Variants in PITPNM2 observed in about 807,000 individuals in gnomAD.
PITPNM2 encodes the protein phosphatidylinositol transfer protein membrane associated 2.
Under a neutral mutation model 132.2 loss-of-function variants are expected in PITPNM2, and 35 were observed. The ratio of observed to expected loss-of-function variants is 0.26; its 90% CI spans 0.20 to 0.35. PITPNM2 has a LOEUF of 0.35. Among genes scored for constraint, PITPNM2 ranks in the 10% least tolerant of loss-of-function variants. The pLI is 1.00. For missense variants in PITPNM2, 1,332 were observed against 1,912.0 expected (o/e 0.70, Z 5.66); for synonymous variants, 738 against 799.2 (o/e 0.92, Z 1.29).
chr12:123,107,417 A>C (rs1228384120), intron 2 of PITPNM2, among the ~76,000 whole-genome samples: 1 of 152,206 alleles, frequency 6.6e-6, no homozygotes, highest in African/African-American at 2.4e-5. Flanking sequence ...ACTGTGAAAG[A>C]CAGCCAGGCA....
intron 3 of PITPNM2, among the ~76,000 whole-genome samples, chr12:123,024,747 T>A (rs2039792906): frequency 6.6e-6 from 1 of 152,124 alleles, no homozygotes. Context: ...GAAAGCACAT[T>A]ATTGGTTGCC....
intron 2 of PITPNM2, among the ~76,000 whole-genome samples, chr12:123,094,465 C>A (rs571706978): frequency 6.6e-6 from 1 of 152,232 alleles, no homozygotes; most frequent in South Asian, 2.1e-4. Context: ...TGTCCTCCGG[C>A]GCATCAGGCT....
chr12:123,016,219 G>T (rs1402585992), intron 3 of PITPNM2, among the ~76,000 whole-genome samples: 1 of 151,968 alleles, frequency 6.6e-6, no homozygotes, highest in South Asian at 2.1e-4. Flanking sequence ...CCAGCTACTC[G>T]GGAGGCTGAG....
chr12:123,072,256 T>C (rs1233085018), intron 2 of PITPNM2, among the ~76,000 whole-genome samples: 2 of 152,202 alleles, frequency 1.3e-5, no homozygotes, highest in African/African-American at 4.8e-5. Flanking sequence ...ACCAGGAAAC[T>C]GAGGCTCCGA....
At chr12:123,018,782 CT>C (rs57520928) in intron 3 of PITPNM2, among the ~76,000 whole-genome samples, 332 of 121,440 alleles carry the variant, frequency 2.7e-3, no homozygotes, top group Non-Finnish European at 3.3e-3. Flanking sequence ...CTTTCCTTTC[CT>C]TTTTTTTTTT....
rs910751492 is a variant in PITPNM2, at chr12:123,021,029, CAAAAAAAAA to C, written c.79-6996_79-6988del. Among the ~76,000 whole-genome samples, 15 of 25,310 alleles carry C rather than the reference CAAAAAAAAA, an allele frequency of 5.9e-4. No homozygotes were observed. The East Asian group carries it at 0.01, about 17-fold the overall frequency. 16.6% of individuals were successfully genotyped at this position (25,310 alleles called of 152,430 possible). A position where few individuals can be genotyped will look rare whatever the true frequency, so the allele number is the denominator to read the frequency against. ...AGGCGACAAGAGCGAAATTCCATCT[CAAAAAAAAA>C]AAAAAAAAAAAAAAAAAGAAAGTGA... On this transcript the variant is annotated intron_variant, in intron 3 of 25. Transcript: ENST00000320201.
rs112527061 is a variant in PITPNM2, at chr12:123,080,742, C to T, written c.-96+29643G>A. ...CCGGTGCCAGGACCACTGGCACTCA[C>T]TGACTACGTGACTAGCCAGTCATCA... On this transcript the variant is annotated intron_variant, in intron 2 of 25. Coordinates refer to ENST00000320201, the MANE Select transcript of PITPNM2 (RefSeq NM_020845.3). 5.2e-3 allele frequency among the ~76,000 whole-genome samples: 785 copies of T among 152,370 alleles called. 9 individuals are homozygous for T. Among genetic ancestry groups the T allele is most frequent in the African/African-American group, 0.018 (730 of 41,594 alleles).
In PITPNM2 at chr12:123,097,875, C is replaced by A. The variant is rs180715783; in HGVS notation, c.-96+12510G>T. Among the ~76,000 whole-genome samples, 1 of 152,224 alleles carries A rather than the reference C, an allele frequency of 6.6e-6. No homozygotes were observed. The highest frequency in any genetic ancestry group is 1.5e-5 in the Non-Finnish European group (1 of 68,040). ...GAACAGCTGGACAGAGCTCGGAAAG[C>A]GGCTGCAGCCAGATGGGAACAACAT... On this transcript the variant is annotated intron_variant, in intron 2 of 25. Coordinates refer to ENST00000320201, the MANE Select transcript of PITPNM2 (RefSeq NM_020845.3). The surrounding 1 kb of genome is among the most constrained non-coding windows in gnomAD (Gnocchi z 4.7).
At chr12:123,007,452 T>C (rs1204518335) in intron 6 of PITPNM2, 1 of 455,832 alleles carries the variant, frequency 2.2e-6, no homozygotes, top group Non-Finnish European at 4.4e-6. Flanking sequence ...TCTCAGGGCA[T>C]GTACCCCCGC....
intron 3 of PITPNM2, among the ~76,000 whole-genome samples, chr12:123,017,897 C>T (rs1262731397): frequency 2.0e-5 from 3 of 152,158 alleles, no homozygotes; most frequent in African/African-American, 7.2e-5. Context: ...CTAATGGGCG[C>T]AGGGCCCTCC....
chr12:123,143,309 G>T (rs1454349122), intron 1 of PITPNM2, among the ~76,000 whole-genome samples: 1 of 152,176 alleles, frequency 6.6e-6, no homozygotes, highest in Non-Finnish European at 1.5e-5. Context: ...GAGGACAACA[G>T]AAGCAAAGTG....
chr12:122,989,879 C>CAGGGGG lies in PITPNM2; in HGVS notation c.2638_2639insCCCCCT (p.Ser880delinsThrProCys). 1 of 324,574 alleles carries CAGGGGG rather than the reference C, an allele frequency of 3.1e-6. No individual in the cohort carries two copies. Among genetic ancestry groups the CAGGGGG allele is most frequent in the Non-Finnish European group, 5.0e-6 (1 of 198,212 alleles). 20.1% of individuals were successfully genotyped at this position (324,574 alleles called of 1,614,324 possible). The stretch of plus-strand genomic sequence containing the variant: ...AGGGTGGGGGCCAGGGGTGGTGGGG[C>CAGGGGG]TGGGGGCGGGCAGGGCGAGCAGGGA... On this transcript the variant is annotated protein_altering_variant, in exon 18 of 26. Coordinates refer to ENST00000320201, the MANE Select transcript of PITPNM2 (RefSeq NM_020845.3).
chr12:123,086,159 A>G (rs756814454), intron 2 of PITPNM2, among the ~76,000 whole-genome samples: 17 of 152,352 alleles, frequency 1.1e-4, no homozygotes, highest in Admixed American at 3.3e-4. Context: ...CAGGCAAGGT[A>G]GCCGTGAGCA....
At chr12:123,010,150 C>T in intron 5 of PITPNM2, 73 bp from the exon 6 acceptor site, 1 of 1,290,240 alleles carries the variant, frequency 7.8e-7, no homozygotes, top group Non-Finnish European at 1.1e-6. Flanking sequence ...CATGTTCCTC[C>T]ACCCCCAAAT....
rs750281703 is a variant in PITPNM2 at position 123,001,181 on chromosome 12, C to T, written c.1049-23G>A. 4 of 1,596,254 alleles carry T rather than the reference C, an allele frequency of 2.5e-6. No homozygotes were observed. In the South Asian group the frequency reaches 4.4e-5, roughly 18 times the overall value. On this transcript the variant is annotated intron_variant, in intron 8 of 25. Coordinates refer to ENST00000320201, the MANE Select transcript of PITPNM2 (RefSeq NM_020845.3). Reference sequence around the variant, plus strand: ...CCTCTGGAGAGGAGAGAGGGAAACTCAGGTGGGACTGGGAACGCTGGGGAA... The same window carrying T: ...CCTCTGGAGAGGAGAGAGGGAAACTTAGGTGGGACTGGGAACGCTGGGGAA...
At chr12:123,039,218 T>A (rs2040377568) in intron 2 of PITPNM2, among the ~76,000 whole-genome samples, 1 of 152,004 alleles carries the variant, frequency 6.6e-6, no homozygotes, top group South Asian at 2.1e-4. Flanking sequence ...ATGTTTGCGC[T>A]ACTGCACTCC....
chr12:123,060,940 C>A (rs1365743924), intron 2 of PITPNM2, among the ~76,000 whole-genome samples: 1 of 152,204 alleles, frequency 6.6e-6, no homozygotes, highest in Non-Finnish European at 1.5e-5. Flanking sequence ...ATCCTTCCAC[C>A]TATGCATCCC....
intron 2 of PITPNM2, among the ~76,000 whole-genome samples, chr12:123,104,357 G>T (rs1164011889): frequency 6.6e-6 from 1 of 152,318 alleles, no homozygotes; most frequent in Non-Finnish European, 1.5e-5. Context: ...GCACCTATAC[G>T]CCCAGACGGC....
intron 2 of PITPNM2, among the ~76,000 whole-genome samples, chr12:123,107,130 A>T (rs1161368609): frequency 1.3e-5 from 2 of 152,160 alleles, no homozygotes; most frequent in East Asian, 3.9e-4. Flanking sequence ...CCATGTCATG[A>T]GCTCTCTTTC....
Sources: allele counts gnomAD v4.1 joint callset (sites outside exome capture counted in the v4.1 genomes callset), GRCh38; gene constraint gnomAD v4.1.1; non-coding constraint Gnocchi (gnomAD v3.1); transcripts MANE v1.5; gene names NCBI Gene and HGNC (gene_info 2026-07-23, HGNC 2026-07-21).